Variants in TMEM132D observed in about 807,000 individuals in gnomAD.
TMEM132D encodes the protein mature OL transmembrane protein.
In TMEM132D, 21 loss-of-function variants were observed where a neutral mutation model predicts 62.3. The observed-to-expected ratio is 0.34, with a 90% CI of 0.24 to 0.49. The LOEUF (loss-of-function observed/expected upper bound fraction) is 0.49, where lower values mean the gene tolerates loss of function less well. Ranked by LOEUF, TMEM132D falls within the 20% of genes least tolerant of loss-of-function variation. The pLI is 0.99. For missense variants in TMEM132D, 1,346 were observed against 1,402.8 expected (o/e 0.96, Z 0.65); for synonymous variants, 621 against 575.6 (o/e 1.08, Z -1.13).
rs572986344 is a variant in TMEM132D at position 129,256,575 on chromosome 12, C to T, written c.1300-46912G>A. Reference sequence around the variant, plus strand: ...TAGCTGGGATTACAGGATCACGCCACCACACCCAGGTAGTTTTTGTATTTT... The same window carrying T: ...TAGCTGGGATTACAGGATCACGCCATCACACCCAGGTAGTTTTTGTATTTT... On this transcript the variant is annotated intron_variant, in intron 4 of 8. Coordinates refer to ENST00000422113, the MANE Select transcript of TMEM132D (RefSeq NM_133448.3). Among the ~76,000 whole-genome samples the T allele has an allele frequency of 6.6e-5, 10 of 152,264 alleles. 1 individual carries two copies. The South Asian group carries it at 1.9e-3, about 28-fold the overall frequency.
intron 3 of TMEM132D, among the ~76,000 whole-genome samples, chr12:129,340,878 C>A (rs1262158895): frequency 3.3e-5 from 5 of 152,196 alleles, no homozygotes; most frequent in Non-Finnish European, 7.3e-5. Context: ...AAGGTTGTAC[C>A]TTGAGCTTGT....
At chr12:129,844,310 T>C (rs1056013452) in intron 1 of TMEM132D, among the ~76,000 whole-genome samples, 2 of 152,124 alleles carry the variant, frequency 1.3e-5, no homozygotes, top group African/African-American at 4.8e-5. Context: ...AGAGCTTGCA[T>C]GAGAAGCATA....
chr12:129,098,581 G>A (rs1349081091), intron 5 of TMEM132D, among the ~76,000 whole-genome samples: 4 of 152,154 alleles, frequency 2.6e-5, no homozygotes, highest in Admixed American at 2.6e-4. Context: ...TGAGGTTGGT[G>A]TTATTACATC....
At chr12:129,739,145 G>A (rs1869520195) in intron 1 of TMEM132D, among the ~76,000 whole-genome samples, 1 of 152,148 alleles carries the variant, frequency 6.6e-6, no homozygotes, top group African/African-American at 2.4e-5. Flanking sequence ...CTCTTAGGCG[G>A]TATAGTGAGG....
chr12:129,847,273 G>T (rs1395997506), intron 1 of TMEM132D, among the ~76,000 whole-genome samples: 1 of 152,162 alleles, frequency 6.6e-6, no homozygotes, highest in Admixed American at 6.5e-5. Flanking sequence ...CTAGGTCAAC[G>T]TTATTATGAG....
At chr12:129,390,704 T>C (rs554559430) in intron 3 of TMEM132D, among the ~76,000 whole-genome samples, 2 of 152,272 alleles carry the variant, frequency 1.3e-5, no homozygotes, top group African/African-American at 4.8e-5. Context: ...TTCTTCTTGC[T>C]GGTGACTCTG....
At chr12:129,476,034 T>C (rs115958093) in intron 3 of TMEM132D, among the ~76,000 whole-genome samples, 32 of 152,300 alleles carry the variant, frequency 2.1e-4, no homozygotes, top group Middle Eastern at 3.4e-3. Flanking sequence ...CTGTGGGTGT[T>C]TGAGTACCAT....
intron 2 of TMEM132D, among the ~76,000 whole-genome samples, chr12:129,641,778 C>T (rs144906395): frequency 1.1e-4 from 17 of 152,212 alleles, no homozygotes; most frequent in Middle Eastern, 3.4e-3. Context: ...TTCATCCCAC[C>T]GCACTTGTCT....
At chr12:129,228,000 G>T (rs762113210) in intron 4 of TMEM132D, among the ~76,000 whole-genome samples, 1 of 152,130 alleles carries the variant, frequency 6.6e-6, no homozygotes, top group African/African-American at 2.4e-5. Context: ...TGAGGCTAAG[G>T]CTGCCTGGGC....
intron 5 of TMEM132D, among the ~76,000 whole-genome samples, chr12:129,171,200 A>G (rs374670390): frequency 7.9e-4 from 120 of 152,338 alleles, no homozygotes; most frequent in African/African-American, 2.6e-3. Context: ...AGTAGATTCC[A>G]TCTCAAGAAA....
chr12:129,676,296 T>C (rs1880629562), intron 2 of TMEM132D, among the ~76,000 whole-genome samples: 1 of 152,014 alleles, frequency 6.6e-6, no homozygotes, highest in African/African-American at 2.4e-5. Context: ...CCTATTTATC[T>C]ATCTATCTAT....
intron 2 of TMEM132D, among the ~76,000 whole-genome samples, chr12:129,539,581 T>G (rs1876528696): frequency 1.3e-5 from 2 of 149,814 alleles, no homozygotes; most frequent in African/African-American, 4.9e-5. Context: ...TCTATTTTTT[T>G]TTTTTCTTTT....
At chr12:129,428,071 A>G (rs1156374699) in intron 3 of TMEM132D, among the ~76,000 whole-genome samples, 2 of 152,194 alleles carry the variant, frequency 1.3e-5, no homozygotes, top group Non-Finnish European at 2.9e-5. Flanking sequence ...CAAAATCCAT[A>G]AAGAGAAGAG....
chr12:129,090,274 T>C (rs1414422271), intron 5 of TMEM132D, among the ~76,000 whole-genome samples: 1 of 152,182 alleles, frequency 6.6e-6, no homozygotes, highest in Non-Finnish European at 1.5e-5. Flanking sequence ...CAGTTCTCCT[T>C]GCTTCAGGGG....
chr12:129,302,927 G>C (rs545862898), intron 4 of TMEM132D, among the ~76,000 whole-genome samples: 1 of 152,150 alleles, frequency 6.6e-6, no homozygotes, highest in Non-Finnish European at 1.5e-5. Context: ...TTCTAGTCTC[G>C]TTTTCCTTGC....
At chr12:129,794,494 G>A (rs927429306) in intron 1 of TMEM132D, among the ~76,000 whole-genome samples, 1 of 151,998 alleles carries the variant, frequency 6.6e-6, no homozygotes, top group African/African-American at 2.4e-5. Context: ...TATATTTCTA[G>A]ATAAACTTTA....
intron 2 of TMEM132D, among the ~76,000 whole-genome samples, chr12:129,534,301 A>G (rs572861268): frequency 8.5e-5 from 13 of 152,268 alleles, no homozygotes; most frequent in African/African-American, 2.9e-4. Flanking sequence ...GGAAAGCCAT[A>G]ATTTTCCCCA....
intron 4 of TMEM132D, among the ~76,000 whole-genome samples, chr12:129,328,177 A>G (rs1868979899): frequency 6.6e-6 from 1 of 152,220 alleles, no homozygotes; most frequent in Non-Finnish European, 1.5e-5. Flanking sequence ...CTTTCCCTCC[A>G]TGATACCCTG....
intron 3 of TMEM132D, among the ~76,000 whole-genome samples, chr12:129,440,375 G>A (rs1566069182): frequency 6.6e-6 from 1 of 152,176 alleles, no homozygotes; most frequent in Non-Finnish European, 1.5e-5. Flanking sequence ...GAGACTGGAT[G>A]CTACAAACTC....
Sources: allele counts gnomAD v4.1 joint callset (sites outside exome capture counted in the v4.1 genomes callset), GRCh38; gene constraint gnomAD v4.1.1; transcripts MANE v1.5; gene names NCBI Gene and HGNC (gene_info 2026-07-23, HGNC 2026-07-21).